Variants in TUBGCP3 observed in about 807,000 individuals in gnomAD.
The protein encoded by TUBGCP3 is tubulin gamma complex component 3.
A neutral mutation model predicts 123.1 loss-of-function variants in TUBGCP3; 50 were observed. The observed-to-expected ratio is 0.41, with a 90% CI of 0.32 to 0.51. The LOEUF is 0.51. TUBGCP3 is among the 20% of genes least tolerant of loss of function. The probability of loss-of-function intolerance (pLI) is 0.36; values close to 1 mark genes in which losing one functional copy is unlikely to be tolerated. For missense variants in TUBGCP3, 882 were observed against 1,127.0 expected (o/e 0.78, Z 3.11); for synonymous variants, 405 against 413.9 (o/e 0.98, Z 0.26).
In TUBGCP3 at chr13:112,558,215, G is replaced by A; in HGVS notation, c.529C>T (p.Pro177Ser). Residue 177 changes from proline to serine, a missense_variant, in exon 5 of 22, where the codon CCA becomes TCA. Around this residue, in one of 3 missense-constraint regions of TUBGCP3, gnomAD observed 713 missense variants for 874.0 expected, o/e 0.82. Transcript: ENST00000261965. ...CCTTACCCTGGGAGGAGAGATTGTG[G>A]CGCAGGCGCGGGGCCACTGAGGGCA... Reference protein sequence around the residue: ...LCALSGPAPAPQSLLPGQSNQ... With the variant: ...LCALSGPAPASQSLLPGQSNQ... 3.1e-6 allele frequency: 5 copies of A among 1,610,934 alleles called. No individual in the cohort carries two copies. Among genetic ancestry groups the A allele is most frequent in the Admixed American group, 1.7e-5 (1 of 60,010 alleles).
chr13:112,560,321 T>C (rs1390054896), intron 3 of TUBGCP3, among the ~76,000 whole-genome samples: 1 of 150,506 alleles, frequency 6.6e-6, no homozygotes, highest in Non-Finnish European at 1.5e-5. Context: ...TCCCAGCTAC[T>C]TGGGAGGCTG....
chr13:112,563,887 A>AAC (rs200139999), intron 3 of TUBGCP3, among the ~76,000 whole-genome samples: 23,362 of 148,492 alleles, frequency 0.16, 2,071 homozygotes, highest in Non-Finnish European at 0.21. Flanking sequence ...AAAAAAAAAA[A>AAC]AGTGTCTAAA....
At chr13:112,537,447 ATTGACT>A (rs1314578591) in intron 11 of TUBGCP3, among the ~76,000 whole-genome samples, 1 of 152,034 alleles carries the variant, frequency 6.6e-6, no homozygotes, top group Admixed American at 6.6e-5. Flanking sequence ...TCTTACATTG[ATTGACT>A]TTGATTATAT....
At chr13:112,563,117 C>T (rs1880651154) in intron 3 of TUBGCP3, among the ~76,000 whole-genome samples, 1 of 152,216 alleles carries the variant, frequency 6.6e-6, no homozygotes, top group Non-Finnish European at 1.5e-5. Flanking sequence ...AGGAACAGCA[C>T]AGCACTCTAC....
chr13:112,489,831 CA>C, intron 20 of TUBGCP3, 134 bp from the exon 21 acceptor site: 8 of 654,822 alleles, frequency 1.2e-5, no homozygotes, highest in Non-Finnish European at 2.1e-5. Context: ...AACACTTTCA[CA>C]ATAATTTTCT....
Position 112,559,378 on chromosome 13 carries a change from A to C in TUBGCP3, c.274T>G (p.Ser92Ala), listed in dbSNP as rs1400045043. 1.7e-5 allele frequency: 28 copies of C among 1,602,890 alleles called. No individual in the cohort carries two copies. In the Middle Eastern group the frequency reaches 5.1e-4, roughly 29 times the overall value. Residue 92 changes from serine (S) to alanine (A), a missense_variant, in exon 4 of 22, where the codon TCA becomes GCA. By Grantham distance (99) the Ser-to-Ala change is moderately conservative (BLOSUM62 1). Coordinates refer to ENST00000261965, the MANE Select transcript of TUBGCP3 (RefSeq NM_006322.6). Reference sequence around the variant, plus strand: ...AGGCTCAGCAAGAGGTAGAGTATTGACCATTTATTTTTCAAAACTCCCTGT... The same window carrying C: ...AGGCTCAGCAAGAGGTAGAGTATTGCCCATTTATTTTTCAAAACTCCCTGT... ...HSQGVLKNKW[S>A]ILYLLLSLSE...
intron 19 of TUBGCP3, among the ~76,000 whole-genome samples, chr13:112,501,585 T>C (rs1321409058): frequency 6.6e-6 from 1 of 152,250 alleles, no homozygotes; most frequent in East Asian, 1.9e-4. Flanking sequence ...TTGGTTTTCT[T>C]AGTGAGTGAC....
At chr13:112,592,346 C>T (rs34657171), upstream of TUBGCP3, among the ~76,000 whole-genome samples, 8,121 of 152,244 alleles carry the variant, frequency 0.053, 297 homozygotes, top group Non-Finnish European at 0.074. This position sits in a 1 kb window ranked among gnomAD's most constrained non-coding sequence, Gnocchi z 4.1. Context: ...CTGCCAGGTG[C>T]CGGGTGGTGG....
At chr13:112,570,984 G>A (rs1024741323) in intron 1 of TUBGCP3, among the ~76,000 whole-genome samples, 2 of 152,198 alleles carry the variant, frequency 1.3e-5, no homozygotes, top group African/African-American at 2.4e-5. Flanking sequence ...GATTGTGGCA[G>A]TTCAGTTACC....
At chr13:112,518,871 A>C in intron 16 of TUBGCP3, 104 bp downstream of exon 16, 1 of 950,314 alleles carries the variant, frequency 1.1e-6, no homozygotes, top group South Asian at 1.4e-5. Context: ...ATGTCGAGTG[A>C]TCACTTGAAT....
At chr13:112,551,247 C>T (rs754390808) in intron 8 of TUBGCP3, among the ~76,000 whole-genome samples, 9 of 152,356 alleles carry the variant, frequency 5.9e-5, no homozygotes, top group African/African-American at 1.4e-4. Context: ...AGCGCGGCAG[C>T]GCCACACACA....
intron 11 of TUBGCP3, among the ~76,000 whole-genome samples, chr13:112,543,725 C>G (rs1566564018): frequency 6.6e-6 from 1 of 152,086 alleles, no homozygotes; most frequent in Non-Finnish European, 1.5e-5. Flanking sequence ...TACAATGATT[C>G]TTCGTACTAT....
chr13:112,563,120 C>T (rs774839282), intron 3 of TUBGCP3, among the ~76,000 whole-genome samples: 2 of 152,216 alleles, frequency 1.3e-5, no homozygotes, highest in Non-Finnish European at 2.9e-5. Context: ...AACAGCACAG[C>T]ACTCTACTCC....
intron 21 of TUBGCP3, 148 bp downstream of exon 21, chr13:112,489,433 C>T (rs1298845832): frequency 2.9e-6 from 2 of 681,184 alleles, no homozygotes; most frequent in Non-Finnish European, 5.3e-6. Flanking sequence ...CAGAGGGTCA[C>T]AGGGTCCACC....
In TUBGCP3 at chr13:112,558,287, T is replaced by C; in HGVS notation, c.457A>G (p.Ser153Gly). Residue 153 changes from serine to glycine, a missense_variant, in exon 5 of 22, where the codon AGC becomes GGC. Coordinates refer to ENST00000261965, the MANE Select transcript of TUBGCP3 (RefSeq NM_006322.6). The stretch of plus-strand genomic sequence containing the variant: ...CCACTGCTGCCCACGCTGCCGGAGC[T>C]CTGGGCTGACTGGGCACTCCGATCT... ...YQDRSAQSAQ[S>G]SGSVGSSGIS... 6.2e-7 allele frequency: 1 copy of C among 1,613,456 alleles called. No homozygotes were observed. Among genetic ancestry groups the C allele is most frequent in the Non-Finnish European group, 8.5e-7 (1 of 1,180,032 alleles).
chr13:112,565,861 G>A (rs944514718), intron 2 of TUBGCP3, among the ~76,000 whole-genome samples: 8 of 151,740 alleles, frequency 5.3e-5, no homozygotes, highest in Non-Finnish European at 1.2e-4. Flanking sequence ...CATGAACCCA[G>A]GAGGCAGAGC....
intron 17 of TUBGCP3, among the ~76,000 whole-genome samples, chr13:112,515,544 C>T (rs571372243): frequency 7.9e-5 from 12 of 152,320 alleles, no homozygotes; most frequent in Admixed American, 4.6e-4. Context: ...CCTCTCAGCA[C>T]GGCCCTCCTC....
chr13:112,546,076 G>A, intron 10 of TUBGCP3: 1 of 514,708 alleles, frequency 1.9e-6, no homozygotes. Context: ...CTTTACACAA[G>A]TGTGTGAGTC....
In TUBGCP3 at chr13:112,565,166, C is replaced by A. The variant is rs775900417; in HGVS notation, c.197G>T (p.Arg66Leu). ...EKIKKELIRQ[R>L]READAALFSE... ...AAATAATGCAGCATCTGCTTCTCTTCGTTGTCGAATAACTGAAAAGACAGA... is the reference window on the plus strand; with the variant it reads ...AAATAATGCAGCATCTGCTTCTCTTAGTTGTCGAATAACTGAAAAGACAGA... The change falls in exon 3 of 22, where the codon CGA becomes CTA. Residue 66 changes from arginine (R) to leucine (L), a missense_variant. Physicochemically the swap from Arg to Leu is moderately radical, Grantham distance 102. Coordinates refer to ENST00000261965, the MANE Select transcript of TUBGCP3 (RefSeq NM_006322.6). 9 of 1,612,956 alleles carry A rather than the reference C, an allele frequency of 5.6e-6. No homozygotes were observed. In the Admixed American group the frequency reaches 1.2e-4, roughly 21 times the overall value.
Sources: gnomAD v4.1 joint callset for allele counts (sites outside exome capture counted in the v4.1 genomes callset) on GRCh38, gnomAD v4.1.1 for gene constraint, gnomAD v4.1.1 regional missense constraint, Gnocchi (gnomAD v3.1) non-coding constraint, MANE v1.5 for transcripts, NCBI Gene and HGNC (gene_info 2026-07-23, HGNC 2026-07-21) for gene names.